LARGE1: variants seen among roughly 807,000 people sequenced by gnomAD.
LARGE1 encodes the protein xylosyl- and glucuronyltransferase LARGE1.
A neutral mutation model predicts 87.6 loss-of-function variants in LARGE1; 43 were observed. The ratio of observed to expected loss-of-function variants is 0.49; its 90% CI spans 0.38 to 0.63. The LOEUF (loss-of-function observed/expected upper bound fraction) is 0.63. Among genes scored for constraint, LARGE1 ranks in the 30% least tolerant of loss-of-function variants. LARGE1 has a pLI of 0.00. For synonymous variants in LARGE1, 434 were observed against 394.6 expected, an observed-to-expected ratio of 1.10 and a Z score of -1.18; for missense variants, 802 against 1,000.2, an observed-to-expected ratio of 0.80 and a Z score of 2.67.
chr22:33,316,250 T>G lies in LARGE1; in HGVS notation c.1288-2A>C. On this transcript the variant is annotated splice_acceptor_variant, in intron 10 of 14. Coordinates refer to ENST00000397394, the MANE Select transcript of LARGE1 (RefSeq NM_133642.5). LOFTEE classifies it high-confidence loss of function. ...CAGCTCAGACAGCTGCTTCTGGAGCTGCAGGGTAGGAGAGAGGGCTTGGGC... is the reference window on the plus strand; with the variant it reads ...CAGCTCAGACAGCTGCTTCTGGAGCGGCAGGGTAGGAGAGAGGGCTTGGGC... 1 of 1,613,352 alleles carries G rather than the reference T, an allele frequency of 6.2e-7. No individual in the cohort carries two copies. Among genetic ancestry groups the G allele is most frequent in the Non-Finnish European group, 8.5e-7 (1 of 1,179,910 alleles).
At chr22:33,548,406 C>T (rs1337320607) in intron 6 of LARGE1, among the ~76,000 whole-genome samples, 1 of 135,768 alleles carries the variant, frequency 7.4e-6, no homozygotes, top group Non-Finnish European at 1.6e-5. Context: ...ATTACCCAGT[C>T]TCAGGCATTC....
chr22:33,560,676 G>A (rs759483309), intron 6 of LARGE1, among the ~76,000 whole-genome samples: 104 of 152,218 alleles, frequency 6.8e-4, no homozygotes, highest in Middle Eastern at 3.4e-3. Flanking sequence ...AGTCACACCC[G>A]TTCTAAGTGC....
At chr22:33,780,282 G>T (rs1385035656) in intron 1 of LARGE1, among the ~76,000 whole-genome samples, 1 of 152,166 alleles carries the variant, frequency 6.6e-6, no homozygotes, top group Non-Finnish European at 1.5e-5. Context: ...CTGAGGCTTG[G>T]AACTTCAACA....
chr22:33,343,452 C>CAT (rs1008448458), intron 9 of LARGE1, among the ~76,000 whole-genome samples: 36 of 151,842 alleles, frequency 2.4e-4, no homozygotes, highest in Middle Eastern at 6.9e-3. Flanking sequence ...TGTATGTATC[C>CAT]ATATATATAT....
chr22:33,231,491 A>G (rs527794417), intron 11 of LARGE1, among the ~76,000 whole-genome samples: 3 of 152,374 alleles, frequency 2.0e-5, no homozygotes, highest in East Asian at 3.9e-4. Context: ...TACATAGCAC[A>G]TGCTCAATAC....
At chr22:33,845,042 CA>C (rs1193628708) in intron 1 of LARGE1, among the ~76,000 whole-genome samples, 1 of 151,992 alleles carries the variant, frequency 6.6e-6, no homozygotes, top group African/African-American at 2.4e-5. Context: ...CTATAAATAA[CA>C]AGCCCCCTTT....
At chr22:33,287,663 A>G (rs1485080052) in intron 12 of LARGE1, among the ~76,000 whole-genome samples, 1 of 152,106 alleles carries the variant, frequency 6.6e-6, no homozygotes, top group Non-Finnish European at 1.5e-5. Context: ...GGGGTCAACA[A>G]TTTGCAGCCA....
chr22:33,843,483 A>T (rs2063341694), intron 1 of LARGE1, among the ~76,000 whole-genome samples: 1 of 152,032 alleles, frequency 6.6e-6, no homozygotes, highest in Non-Finnish European at 1.5e-5. Context: ...ATAAAAAATT[A>T]AAGAGGTCTC....
chr22:33,874,808 G>A (rs1437493322), intron 1 of LARGE1, among the ~76,000 whole-genome samples: 3 of 152,184 alleles, frequency 2.0e-5, no homozygotes, highest in Non-Finnish European at 2.9e-5. Flanking sequence ...TCAGAGGACT[G>A]TAACTGACTC....
chr22:33,535,119 G>A (rs567656398), intron 6 of LARGE1, among the ~76,000 whole-genome samples: 1 of 152,202 alleles, frequency 6.6e-6, no homozygotes, highest in African/African-American at 2.4e-5. Context: ...AGGGGCTGAG[G>A]GGCCTCCCCC....
Position 33,766,839 on chromosome 22 carries a change from A to G in LARGE1, c.-82-5281T>C, listed in dbSNP as rs368998854. 2.2e-4 allele frequency among the ~76,000 whole-genome samples: 33 copies of G among 151,050 alleles called. No individual in the cohort carries two copies. In the East Asian group the frequency reaches 4.3e-3, roughly 20 times the overall value. ...ATATACGTGTACAAATAACCTATAT[A>G]CCTATATAAGAAAAAAAGGCTTAAA... On this transcript the variant is annotated intron_variant, in intron 1 of 14. Transcript: ENST00000397394.
intron 1 of LARGE1, among the ~76,000 whole-genome samples, chr22:33,908,485 G>GA (rs1159423141): frequency 7.1e-6 from 1 of 140,352 alleles, no homozygotes; most frequent in Admixed American, 7.8e-5. Context: ...GGTCTAGGGG[G>GA]AAAAAAATCA....
intron 6 of LARGE1, among the ~76,000 whole-genome samples, chr22:33,527,628 G>A (rs1344297366): frequency 6.6e-6 from 1 of 152,090 alleles, no homozygotes; most frequent in Admixed American, 6.6e-5. Flanking sequence ...AGAGTCTGAG[G>A]TTCTCTGGCT....
intron 7 of LARGE1, among the ~76,000 whole-genome samples, chr22:33,397,037 C>A (rs1308487003): frequency 6.6e-6 from 1 of 152,114 alleles, no homozygotes; most frequent in African/African-American, 2.4e-5. Flanking sequence ...GAACCCAGAC[C>A]AAGAAACAGA....
At chr22:33,604,921 C>T (rs754420239) in intron 4 of LARGE1, among the ~76,000 whole-genome samples, 2 of 151,908 alleles carry the variant, frequency 1.3e-5, no homozygotes, top group Non-Finnish European at 2.9e-5. Context: ...TCAGCCTTAA[C>T]GCAGAAACAC....
rs115165310 is a variant in LARGE1, at chr22:33,371,195, T to C, written c.1131+10724A>G. Among the ~76,000 whole-genome samples the C allele has an allele frequency of 8.4e-3, 1,273 of 151,998 alleles. 15 individuals are homozygous for C. The highest frequency in any genetic ancestry group is 0.029 in the African/African-American group (1,220 of 41,526). On this transcript the variant is annotated intron_variant, in intron 9 of 14. Coordinates refer to ENST00000397394, the MANE Select transcript of LARGE1 (RefSeq NM_133642.5). ...AAAAAACTCCTAAGAAATTTTATTT[T>C]GATTGGCTTAGATGAATTATCACAC...
the LARGE1 span, among the ~76,000 whole-genome samples, chr22:33,067,967 G>C: frequency 6.6e-6 from 1 of 151,254 alleles, no homozygotes; most frequent in Non-Finnish European, 1.5e-5. Flanking sequence ...GCGACAATGC[G>C]AGACTGTCTC....
intron 2 of LARGE1, among the ~76,000 whole-genome samples, chr22:33,704,385 C>T (rs1442261553): frequency 1.3e-5 from 2 of 152,204 alleles, no homozygotes; most frequent in South Asian, 2.1e-4. Context: ...ACAAAGACCT[C>T]GTTCAAATGT....
At chr22:33,363,255 C>G (rs775503067) in intron 9 of LARGE1, among the ~76,000 whole-genome samples, 1 of 149,590 alleles carries the variant, frequency 6.7e-6, no homozygotes, top group Non-Finnish European at 1.5e-5. Context: ...TCCGTTTTCA[C>G]GCTGCTGATA....
Sources: gnomAD v4.1 joint callset for allele counts (sites outside exome capture counted in the v4.1 genomes callset) on GRCh38, gnomAD v4.1.1 for gene constraint, MANE v1.5 for transcripts, NCBI Gene and HGNC (gene_info 2026-07-23, HGNC 2026-07-21) for gene names.